NEDD4L: variants seen among roughly 807,000 people sequenced by gnomAD.
The protein encoded by NEDD4L is NEDD4 like E3 ubiquitin protein ligase, also known as E3 ubiquitin-protein ligase NEDD4-like.
NEDD4L carries 54 observed loss-of-function variants against 148.9 expected under a neutral mutation model. The observed-to-expected ratio is 0.36, with a 90% confidence interval of 0.29 to 0.45. The LOEUF (loss-of-function observed/expected upper bound fraction) is 0.45. NEDD4L is among the 20% of genes least tolerant of loss of function. The pLI, the probability that NEDD4L is intolerant of heterozygous loss-of-function variation, is 1.00. For missense variants in NEDD4L, 856 were observed against 1,233.8 expected (o/e 0.69, Z 4.59); for synonymous variants, 433 against 440.7 (o/e 0.98, Z 0.22).
intron 1 of NEDD4L, chr18:58,149,320 A>G (rs2034427609): frequency 1.6e-6 from 2 of 1,272,278 alleles, no homozygotes; most frequent in Admixed American, 3.3e-5. Flanking sequence ...GATGTGAGCC[A>G]GTCACAGAGG....
rs2046186226 is a variant in NEDD4L at position 58,366,943 on chromosome 18, C to A, written c.2063+715C>A. Among the ~76,000 whole-genome samples the A allele has an allele frequency of 6.6e-6, 1 of 152,232 alleles. No individual in the cohort carries two copies. Among genetic ancestry groups the A allele is most frequent in the Non-Finnish European group, 1.5e-5 (1 of 68,038 alleles). ...ACCTGGTACCAGTCTCCTGGGGGCT[C>A]ATTTGGAAGGCCGCCTCAGTACATT... On this transcript the variant is annotated intron_variant, in intron 21 of 30. Transcript: ENST00000400345. This position sits in a 1 kb window ranked among gnomAD's most constrained non-coding sequence, Gnocchi z 4.2.
chr18:58,242,927 T>C (rs2148370950), intron 2 of NEDD4L, among the ~76,000 whole-genome samples: 1 of 152,366 alleles, frequency 6.6e-6, no homozygotes, highest in South Asian at 2.1e-4. Context: ...TCCATAGAGT[T>C]GATCATACCT....
chr18:58,348,173 T>A (rs542517952), intron 16 of NEDD4L, among the ~76,000 whole-genome samples: 5 of 151,986 alleles, frequency 3.3e-5, no homozygotes, highest in African/African-American at 9.7e-5. Flanking sequence ...ACTTTTTGTG[T>A]TTTTTGCAGA....
intron 5 of NEDD4L, among the ~76,000 whole-genome samples, chr18:58,268,277 G>A (rs1046460258): frequency 1.2e-4 from 18 of 152,088 alleles, no homozygotes; most frequent in African/African-American, 3.4e-4. Context: ...TGGCCCTGTC[G>A]TGTAGATGAA....
intron 9 of NEDD4L, among the ~76,000 whole-genome samples, chr18:58,326,431 G>A (rs774593779): frequency 6.6e-6 from 1 of 152,154 alleles, no homozygotes; most frequent in Non-Finnish European, 1.5e-5. Context: ...GAAATAGCTT[G>A]GTTGATTCTT....
chr18:58,064,127 G>A (rs1300060526), intron 1 of NEDD4L, among the ~76,000 whole-genome samples: 1 of 151,856 alleles, frequency 6.6e-6, no homozygotes, highest in Non-Finnish European at 1.5e-5. Context: ...ACCACGCCCG[G>A]CTAACTTTTT....
chr18:58,213,683 G>A (rs768798203), intron 2 of NEDD4L, among the ~76,000 whole-genome samples: 25 of 152,126 alleles, frequency 1.6e-4, no homozygotes, highest in African/African-American at 5.8e-4. Flanking sequence ...TATGAAGGAA[G>A]CTGCAATGCT....
intron 1 of NEDD4L, among the ~76,000 whole-genome samples, chr18:58,051,661 A>T (rs1043756371): frequency 2.0e-5 from 3 of 152,248 alleles, no homozygotes; most frequent in African/African-American, 7.2e-5. Context: ...GAGTAGCAGC[A>T]GTGAAAAAAA....
At position 58,330,896 on chromosome 18, in the gene NEDD4L, A is replaced by G. The variant is rs773514738; in HGVS notation, c.972A>G (p.Glu324=). Residue 324 remains glutamate (E), a synonymous_variant, in exon 11 of 31, where the codon GAA becomes GAG. Transcript: ENST00000400345. ...AGATCACTCCAGACTCCAATGGGGAACAGTTCAGCTCTTTGATTGTAAGTA... is the reference window on the plus strand; with the variant it reads ...AGATCACTCCAGACTCCAATGGGGAGCAGTTCAGCTCTTTGATTGTAAGTA... ...RLQITPDSNG[E]QFSSLIQREP... 2.5e-6 allele frequency: 4 copies of G among 1,613,692 alleles called. No individual in the cohort carries two copies. Among genetic ancestry groups the G allele is most frequent in the Non-Finnish European group, 3.4e-6 (4 of 1,179,750 alleles).
At chr18:58,191,388 A>G (rs60684491) in intron 2 of NEDD4L, among the ~76,000 whole-genome samples, 45,806 of 151,984 alleles carry the variant, frequency 0.3, 7,363 homozygotes, top group African/African-American at 0.42. Flanking sequence ...GCTTGTTCAG[A>G]ATTGTGTTAC....
chr18:58,130,178 G>A (rs192753317), intron 1 of NEDD4L, among the ~76,000 whole-genome samples: 220 of 142,110 alleles, frequency 1.5e-3, no homozygotes, highest in Middle Eastern at 5.0e-3. Flanking sequence ...GTGATCTAGC[G>A]GAACTGTGGC....
At chr18:58,240,636 G>A (rs773575626) in intron 2 of NEDD4L, among the ~76,000 whole-genome samples, 2 of 152,168 alleles carry the variant, frequency 1.3e-5, no homozygotes, top group Non-Finnish European at 2.9e-5. Flanking sequence ...CTTTGGATGA[G>A]TAGTCAGTCC....
Position 58,154,192 on chromosome 18 carries a change from CTG to C in NEDD4L, c.49-11593_49-11592del, listed in dbSNP as rs539453012. On this transcript the variant is annotated intron_variant, in intron 1 of 30. Transcript: ENST00000400345. ...CAAGAAAAGTTTCCTGAAAGGAACA[CTG>C]TGCCCAGGCAGTCCTGGCTTTGCAG... Among the ~76,000 whole-genome samples the C allele has an allele frequency of 5.6e-3, 852 of 152,350 alleles. 5 individuals carry two copies. Among genetic ancestry groups the C allele is most frequent in the Non-Finnish European group, 0.01 (708 of 68,038 alleles).
chr18:58,242,668 A>AT (rs764012996), intron 2 of NEDD4L, among the ~76,000 whole-genome samples: 7 of 151,204 alleles, frequency 4.6e-5, no homozygotes, highest in East Asian at 3.9e-4. Context: ...ACGCAGCTAC[A>AT]TTTTTTTTGT....
At chr18:58,137,678 G>A (rs2033001427) in intron 1 of NEDD4L, among the ~76,000 whole-genome samples, 1 of 152,042 alleles carries the variant, frequency 6.6e-6, no homozygotes, top group Non-Finnish European at 1.5e-5. Context: ...TTTCAAACTT[G>A]ATTTCCATTT....
At chr18:58,200,029 C>A (rs1254402586) in intron 2 of NEDD4L, among the ~76,000 whole-genome samples, 1 of 152,124 alleles carries the variant, frequency 6.6e-6, no homozygotes. Context: ...TAAAAAAGCA[C>A]AAACAAAATT....
chr18:58,366,462 G>A lies in NEDD4L; in HGVS notation c.2063+234G>A. The stretch of plus-strand genomic sequence containing the variant: ...TTTTTTTCTTGTCTATTGGGTTCAT[G>A]GAGTTGAAATTGAAAACGTGGATAA... On this transcript the variant is annotated intron_variant, in intron 21 of 30. Coordinates refer to ENST00000400345, the MANE Select transcript of NEDD4L (RefSeq NM_001144967.3). The surrounding 1 kb of genome is among the most constrained non-coding windows in gnomAD (Gnocchi z 4.2). The A allele has an allele frequency of 2.6e-6, 1 of 380,328 alleles. No individual in the cohort carries two copies. The highest frequency in any genetic ancestry group is 4.7e-6 in the Non-Finnish European group (1 of 214,140). 23.6% of individuals were successfully genotyped at this position (380,328 alleles called of 1,614,324 possible). A position where few individuals can be genotyped will look rare whatever the true frequency, so the allele number is the denominator to read the frequency against.
At position 58,399,656 on chromosome 18, in the gene NEDD4L, T is replaced by A. The variant is rs972821947; in HGVS notation, c.*3387T>A. 1 of 152,084 alleles carries A rather than the reference T, an allele frequency of 6.6e-6. No individual in the cohort carries two copies. Among genetic ancestry groups the A allele is most frequent in the African/African-American group, 2.4e-5 (1 of 41,372 alleles). The allele number at this position is 152,084 out of a possible 1,614,324, so 9.4% of individuals were successfully genotyped here. The stretch of plus-strand genomic sequence containing the variant: ...GCACCCACCACCACGCCTGGCTAAT[T>A]TTTGTATTTTTAGTAGAGATGGTTT... On this transcript the variant is annotated 3_prime_UTR_variant, in exon 31 of 31. Transcript: ENST00000400345.
intron 2 of NEDD4L, among the ~76,000 whole-genome samples, chr18:58,224,949 C>T (rs2148002388): frequency 6.6e-6 from 1 of 152,178 alleles, no homozygotes; most frequent in South Asian, 2.1e-4. Flanking sequence ...TGGGAAAATG[C>T]CCCTTAATTT....
Sources: gnomAD v4.1 joint callset for allele counts (sites outside exome capture counted in the v4.1 genomes callset) on GRCh38, gnomAD v4.1.1 for gene constraint, Gnocchi (gnomAD v3.1) non-coding constraint, MANE v1.5 for transcripts, NCBI Gene and HGNC (gene_info 2026-07-23, HGNC 2026-07-21) for gene names.